Variants in ZFP41 observed in about 807,000 individuals in gnomAD.
ZFP41 encodes the protein ZFP41 zinc finger protein.
ZFP41 carries 10 observed loss-of-function variants against 11.6 expected under a neutral mutation model. That is an observed-to-expected ratio of 0.86 (90% confidence interval 0.53 to 1.47). ZFP41 has a LOEUF of 1.47. Ranked by LOEUF, ZFP41 falls within the 40% of genes most tolerant of loss-of-function variation. The pLI, the probability that ZFP41 is intolerant of heterozygous loss-of-function variation, is 0.00. For missense variants in ZFP41, 302 were observed against 264.6 expected, an observed-to-expected ratio of 1.14 and a Z score of -0.98; for synonymous variants, 123 against 100.9, an observed-to-expected ratio of 1.22 and a Z score of -1.31.
chr8:143,255,415 TC>T (rs1300182753), intron 2 of ZFP41, among the ~76,000 whole-genome samples: 1 of 152,022 alleles, frequency 6.6e-6, no homozygotes, highest in African/African-American at 2.4e-5. Flanking sequence ...GTTAGTGAGA[TC>T]AGAGCTCGCC....
Position 143,249,840 on chromosome 8 carries a change from A to T in ZFP41, c.-4A>T. ...TAGCCCTCACGCTTCCAAGGAACAG[A>T]ATGATGGAGAAGCCTGCAGGCAGAA... On this transcript the variant is annotated 5_prime_UTR_variant, in exon 2 of 3. Transcript: ENST00000330701. The T allele has an allele frequency of 6.3e-7, 1 of 1,586,072 alleles. No individual in the cohort carries two copies. Among genetic ancestry groups the T allele is most frequent in the East Asian group, 2.2e-5 (1 of 44,666 alleles).
At chr8:143,255,186 T>C (rs7815716) in intron 2 of ZFP41, among the ~76,000 whole-genome samples, 1 of 151,954 alleles carries the variant, frequency 6.6e-6, no homozygotes, top group Non-Finnish European at 1.5e-5. Flanking sequence ...ACGCACGTAG[T>C]GGGTCAAGAG....
Position 143,250,456 on chromosome 8 carries a change from G to A in ZFP41, c.*16G>A, listed in dbSNP as rs780659797. The A allele has an allele frequency of 3.1e-5, 49 of 1,602,988 alleles. No homozygotes were observed. Among genetic ancestry groups the A allele is most frequent in the East Asian group, 4.5e-5 (2 of 44,750 alleles). On this transcript the variant is annotated 3_prime_UTR_variant, in exon 2 of 3. Coordinates refer to ENST00000330701, the MANE Select transcript of ZFP41 (RefSeq NM_173832.6). Reference sequence around the variant, plus strand: ...GAAGCCCTGAGCCGGGGCCATCTGCGGACTCGGGCCCTGCGGTGCGAGCCT... The same window carrying A: ...GAAGCCCTGAGCCGGGGCCATCTGCAGACTCGGGCCCTGCGGTGCGAGCCT...
chr8:143,258,027 G>A (rs1814952786), intron 2 of ZFP41, among the ~76,000 whole-genome samples: 2 of 152,126 alleles, frequency 1.3e-5, no homozygotes, highest in Admixed American at 1.3e-4. Context: ...CATGAACAAA[G>A]GTACTAAGCA....
intron 2 of ZFP41, among the ~76,000 whole-genome samples, chr8:143,253,770 G>C (rs775368009): frequency 6.6e-6 from 1 of 152,148 alleles, no homozygotes; most frequent in African/African-American, 2.4e-5. Context: ...GAATGGCTTG[G>C]TGCCCTCCTC....
intron 2 of ZFP41, chr8:143,253,550 A>T (rs1814830346): frequency 6.6e-6 from 1 of 152,182 alleles, no homozygotes; most frequent in Non-Finnish European, 1.5e-5. Context: ...CATATGAATG[A>T]ACGAGCGTGG....
chr8:143,250,218 G>A lies in ZFP41; in HGVS notation c.375G>A (p.Arg125=). ...FKCAQCGKAF[R]HSSDVTKHQR... is the part of the protein sequence containing the mutation. ...GTGCGCAGTGCGGGAAGGCCTTCCGGCACAGCTCTGACGTCACCAAACACC... is the reference window on the plus strand; with the variant it reads ...GTGCGCAGTGCGGGAAGGCCTTCCGACACAGCTCTGACGTCACCAAACACC... The change falls in exon 2 of 3, where the codon CGG becomes CGA. Residue 125 remains arginine (R), a synonymous_variant. Transcript: ENST00000330701. 4.3e-6 allele frequency: 7 copies of A among 1,613,992 alleles called. No individual in the cohort carries two copies. The highest frequency in any genetic ancestry group is 5.9e-6 in the Non-Finnish European group (7 of 1,180,020).
intron 2 of ZFP41, among the ~76,000 whole-genome samples, chr8:143,255,654 G>C (rs1814891624): frequency 2.3e-5 from 3 of 130,246 alleles, no homozygotes; most frequent in East Asian, 2.5e-4. Flanking sequence ...AGTGAGATCA[G>C]GGCTCGCCCC....
chr8:143,256,890 CA>C (rs1219613056), intron 2 of ZFP41, among the ~76,000 whole-genome samples: 1 of 152,198 alleles, frequency 6.6e-6, no homozygotes, highest in Non-Finnish European at 1.5e-5. Context: ...GCCGGAGGCA[CA>C]GACAGATGAA....
chr8:143,259,480 A>G (rs1267258244), intron 2 of ZFP41, among the ~76,000 whole-genome samples: 1 of 152,202 alleles, frequency 6.6e-6, no homozygotes, highest in Non-Finnish European at 1.5e-5. Context: ...CTCAGCTTAC[A>G]CATCTGACAC....
chr8:143,255,972 C>T (rs1432563143), intron 2 of ZFP41, among the ~76,000 whole-genome samples: 1 of 72,416 alleles, frequency 1.4e-5, no homozygotes, highest in Non-Finnish European at 2.6e-5. Context: ...GCTCTCCCCG[C>T]GTGCTAGAGT....
At chr8:143,254,187 C>T (rs1033775457) in intron 2 of ZFP41, among the ~76,000 whole-genome samples, 3 of 152,202 alleles carry the variant, frequency 2.0e-5, no homozygotes, top group Admixed American at 1.3e-4. Flanking sequence ...TTGCTCCCTC[C>T]CTGCAGCCTC....
chr8:143,256,922 C>G (rs572149412), intron 2 of ZFP41, among the ~76,000 whole-genome samples: 26 of 152,320 alleles, frequency 1.7e-4, no homozygotes, highest in Non-Finnish European at 3.2e-4. Context: ...CATAGCAAGA[C>G]CAAGAGCTGA....
rs373230405 is a variant in ZFP41, at chr8:143,250,035, C to A, written c.192C>A (p.Phe64Leu). Residue 64 changes from phenylalanine to leucine, a missense_variant, in exon 2 of 3, where the codon TTC becomes TTA. Physicochemically the swap from Phe to Leu is conservative, Grantham distance 22. Coordinates refer to ENST00000330701, the MANE Select transcript of ZFP41 (RefSeq NM_173832.6). The part of the protein sequence containing the change: ...PEDEEHVFDA[F>L]DASFKDDFEG... The stretch of plus-strand genomic sequence containing the variant: ...ACGAAGAGCACGTCTTTGATGCCTT[C>A]GACGCTTCATTTAAAGATGACTTTG... 8.7e-6 allele frequency: 14 copies of A among 1,614,104 alleles called. No individual in the cohort carries two copies. In the South Asian group the frequency reaches 1.3e-4, roughly 15 times the overall value.
At chr8:143,255,848 C>A (rs13276296) in intron 2 of ZFP41, among the ~76,000 whole-genome samples, 68 of 60,342 alleles carry the variant, frequency 1.1e-3, no homozygotes, top group African/African-American at 1.9e-3. Context: ...TGCTGGTGTT[C>A]TTGAGATCAG....
At chr8:143,247,299 C>T (rs1056683986) in intron 1 of ZFP41, 157 bp downstream of exon 1, 1 of 152,274 alleles carries the variant, frequency 6.6e-6, no homozygotes, top group Non-Finnish European at 1.5e-5. Flanking sequence ...TAGCTCTGCA[C>T]GTGGGCCGCG....
At position 143,251,045 on chromosome 8, in the gene ZFP41, TCTC is replaced by T. The variant is rs1332163508; in HGVS notation, c.*611_*613del. On this transcript the variant is annotated 3_prime_UTR_variant, in exon 2 of 3. Transcript: ENST00000330701. Reference sequence around the variant, plus strand: ...CAACTGTGCTTGGTCCTCTGGCTTCTCTCCTCCTGCTGGAGTGCCAGTCCCTGA... The same window carrying T: ...CAACTGTGCTTGGTCCTCTGGCTTCTCTCCTGCTGGAGTGCCAGTCCCTGA... 1.8e-5 allele frequency: 3 copies of T among 168,784 alleles called. No individual in the cohort carries two copies. The highest frequency in any genetic ancestry group is 1.3e-4 in the Admixed American group (2 of 15,586). 10.5% of individuals were successfully genotyped at this position (168,784 alleles called of 1,614,324 possible).
intron 2 of ZFP41, among the ~76,000 whole-genome samples, chr8:143,252,342 G>A (rs750393906): frequency 6.6e-6 from 1 of 152,254 alleles, no homozygotes; most frequent in Non-Finnish European, 1.5e-5. Context: ...ACCCAGGCAG[G>A]CTGGTCCATG....
Position 143,249,781 on chromosome 8 carries a change from G to A in ZFP41, c.-63G>A. On this transcript the variant is annotated 5_prime_UTR_variant, in exon 2 of 3. Coordinates refer to ENST00000330701, the MANE Select transcript of ZFP41 (RefSeq NM_173832.6). ...AGGTGCGTGGGAAGCAAGCCATTGAGGAAGTGGGGCCAACAGAGAGGTCAG... is the reference window on the plus strand; with the variant it reads ...AGGTGCGTGGGAAGCAAGCCATTGAAGAAGTGGGGCCAACAGAGAGGTCAG... The A allele has an allele frequency of 1.3e-6, 2 of 1,513,892 alleles. No individual in the cohort carries two copies. The highest frequency in any genetic ancestry group is 1.8e-6 in the Non-Finnish European group (2 of 1,136,048). The allele number at this position is 1,513,892 out of a possible 1,614,324, so 93.8% of individuals were successfully genotyped here. A position where few individuals can be genotyped will look rare whatever the true frequency, so the allele number is the denominator to read the frequency against.
Sources: gnomAD v4.1 joint callset for allele counts (sites outside exome capture counted in the v4.1 genomes callset) on GRCh38, gnomAD v4.1.1 for gene constraint, MANE v1.5 for transcripts, NCBI Gene and HGNC (gene_info 2026-07-23, HGNC 2026-07-21) for gene names.